GALNT18: variants seen among roughly 807,000 people sequenced by gnomAD.
GALNT18 encodes the protein GalNAc-transferase 18.
GALNT18 carries 44 observed loss-of-function variants against 69.5 expected under a neutral mutation model. The ratio of observed to expected loss-of-function variants is 0.63; its 90% CI spans 0.50 to 0.81. The LOEUF (loss-of-function observed/expected upper bound fraction) is 0.81, where lower values mean the gene tolerates loss of function less well. Among genes scored for constraint, GALNT18 ranks in the 40% least tolerant of loss-of-function variants. The pLI, the probability that GALNT18 is intolerant of heterozygous loss-of-function variation, is 0.00. For missense variants in GALNT18, 715 were observed against 810.0 expected, an observed-to-expected ratio of 0.88 and a Z score of 1.42; for synonymous variants, 364 against 318.2, an observed-to-expected ratio of 1.14 and a Z score of -1.53.
At chr11:11,528,640 G>A (rs931012577) in intron 1 of GALNT18, among the ~76,000 whole-genome samples, 10 of 152,168 alleles carry the variant, frequency 6.6e-5, no homozygotes, top group African/African-American at 1.7e-4. Context: ...TGGGCTATGC[G>A]GGGCAAGACT....
intron 9 of GALNT18, among the ~76,000 whole-genome samples, chr11:11,298,836 C>G (rs1190873677): frequency 1.3e-5 from 2 of 152,196 alleles, no homozygotes; most frequent in Non-Finnish European, 2.9e-5. Flanking sequence ...TTCTCTGAAG[C>G]AGGAGGCTTC....
chr11:11,413,069 T>C lies in GALNT18; in HGVS notation c.595+19552A>G, dbSNP rs1373649972. On this transcript the variant is annotated intron_variant, in intron 3 of 10. Coordinates refer to ENST00000227756, the MANE Select transcript of GALNT18 (RefSeq NM_198516.3). This position sits in a 1 kb window ranked among gnomAD's most constrained non-coding sequence, Gnocchi z 4.7. ...CCACAGTGGTGCCTGGCAGCTCTTA[T>C]TGGTGGTCTCCCTTCCTTGTCTTAT... is the stretch of plus-strand genomic sequence containing the variant. Among the ~76,000 whole-genome samples the C allele has an allele frequency of 6.6e-6, 1 of 152,222 alleles. No individual in the cohort carries two copies.
intron 6 of GALNT18, among the ~76,000 whole-genome samples, chr11:11,346,884 GCT>G (rs1850313233): frequency 6.6e-6 from 1 of 152,124 alleles, no homozygotes; most frequent in African/African-American, 2.4e-5. Flanking sequence ...TTAAATCCTG[GCT>G]CTGTCATATA....
In GALNT18 at chr11:11,480,114, C is replaced by T. The variant is rs976666514; in HGVS notation, c.236-31178G>A. Among the ~76,000 whole-genome samples, 2 of 152,088 alleles carry T rather than the reference C, an allele frequency of 1.3e-5. No homozygotes were observed. The highest frequency in any genetic ancestry group is 2.4e-5 in the African/African-American group (1 of 41,370). ...TACTGCTATTTGTCACCTTCCCTAC[C>T]TTGAGCTTCAACTTCCTTTTATTCA... On this transcript the variant is annotated intron_variant, in intron 1 of 10. Coordinates refer to ENST00000227756, the MANE Select transcript of GALNT18 (RefSeq NM_198516.3). The surrounding 1 kb of genome is among the most constrained non-coding windows in gnomAD (Gnocchi z 4.6).
intron 4 of GALNT18, among the ~76,000 whole-genome samples, chr11:11,378,066 T>C (rs1853816996): frequency 6.6e-6 from 1 of 152,236 alleles, no homozygotes; most frequent in South Asian, 2.1e-4. Context: ...AAATAGTAAG[T>C]GTCCCTCTCC....
At chr11:11,298,086 C>G (rs1485660513) in intron 9 of GALNT18, among the ~76,000 whole-genome samples, 1 of 152,230 alleles carries the variant, frequency 6.6e-6, no homozygotes, top group Non-Finnish European at 1.5e-5. Flanking sequence ...TAACGTCCCC[C>G]AGGGCCGGAG....
At position 11,468,800 on chromosome 11, in the gene GALNT18, G is replaced by A. The variant is rs538152850; in HGVS notation, c.236-19864C>T. On this transcript the variant is annotated intron_variant, in intron 1 of 10. Transcript: ENST00000227756. ...TTGTAAGCAGCTGTCACTGAAGGGG[G>A]TGTGGCAGATTCTACAGGTGCTGGT... 1.1e-4 allele frequency among the ~76,000 whole-genome samples: 17 copies of A among 152,294 alleles called. No individual in the cohort carries two copies. The South Asian group carries it at 3.5e-3, about 32-fold the overall frequency.
chr11:11,509,281 A>AT (rs987167899), intron 1 of GALNT18, among the ~76,000 whole-genome samples: 1 of 152,228 alleles, frequency 6.6e-6, no homozygotes, highest in African/African-American at 2.4e-5. Flanking sequence ...ATACCAAAAT[A>AT]TTTTTGAAAC....
chr11:11,350,738 T>C (rs1219565057), intron 6 of GALNT18, among the ~76,000 whole-genome samples: 3 of 152,192 alleles, frequency 2.0e-5, no homozygotes, highest in African/African-American at 7.2e-5. Context: ...GGTGCACTTC[T>C]ACTCCCCACC....
chr11:11,316,355 A>G (rs1410667425), intron 9 of GALNT18, among the ~76,000 whole-genome samples: 1 of 152,206 alleles, frequency 6.6e-6, no homozygotes, highest in Non-Finnish European at 1.5e-5. Context: ...CTTGGCACAC[A>G]AAGGAAAACT....
chr11:11,577,702 G>C (rs1590113488), intron 1 of GALNT18, among the ~76,000 whole-genome samples: 1 of 152,340 alleles, frequency 6.6e-6, no homozygotes, highest in East Asian at 1.9e-4. Context: ...CTAGGAAAGA[G>C]GGAAGCTCTC....
rs1224280064 is a variant in GALNT18, at chr11:11,432,288, G to A, written c.595+333C>T. 2.0e-5 allele frequency among the ~76,000 whole-genome samples: 3 copies of A among 152,206 alleles called. No individual in the cohort carries two copies. The highest frequency in any genetic ancestry group is 4.4e-5 in the Non-Finnish European group (3 of 68,050). On this transcript the variant is annotated intron_variant, in intron 3 of 10. Transcript: ENST00000227756. This position sits in a 1 kb window ranked among gnomAD's most constrained non-coding sequence, Gnocchi z 5.8. ...GTGGAACCCTACTAGGTGAAATGAT[G>A]CATCATGGAAAAGAGTCACTGGACA...
Position 11,493,176 on chromosome 11 carries a change from G to A in GALNT18, c.236-44240C>T, listed in dbSNP as rs143784304. On this transcript the variant is annotated intron_variant, in intron 1 of 10. Transcript: ENST00000227756. ...CTCGGAAGGCTGAGGCAGGAGAATC[G>A]CTTCAACCTGGGAGGCGGAGGTTGA... 9.3e-3 allele frequency among the ~76,000 whole-genome samples: 1,353 copies of A among 145,274 alleles called. 33 individuals carry two copies. In the East Asian group the frequency reaches 0.099, roughly 11 times the overall value.
Position 11,379,065 on chromosome 11 carries a change from C to A in GALNT18, c.779+16G>T. The A allele has an allele frequency of 6.4e-7, 1 of 1,572,618 alleles. No individual in the cohort carries two copies. The highest frequency in any genetic ancestry group is 8.6e-7 in the Non-Finnish European group (1 of 1,164,564). Reference sequence around the variant, plus strand: ...ATCCCACTGGGACTCCTCCTCCTCTCCCAAGGGGCACTTACCAGCCCACAT... The same window carrying A: ...ATCCCACTGGGACTCCTCCTCCTCTACCAAGGGGCACTTACCAGCCCACAT... On this transcript the variant is annotated intron_variant, in intron 4 of 10. Transcript: ENST00000227756.
At chr11:11,560,085 T>C (rs1317016562) in intron 1 of GALNT18, among the ~76,000 whole-genome samples, 1 of 19,844 alleles carries the variant, frequency 5.0e-5, no homozygotes, top group Non-Finnish European at 1.0e-4. Flanking sequence ...TGGGATATGA[T>C]GGGCGGGATG....
At chr11:11,403,586 T>A (rs1176476905) in intron 3 of GALNT18, among the ~76,000 whole-genome samples, 1 of 152,214 alleles carries the variant, frequency 6.6e-6, no homozygotes, top group Non-Finnish European at 1.5e-5. Flanking sequence ...CCTCTGGAAC[T>A]TCTCCTTCTG....
Position 11,404,677 on chromosome 11 carries a change from T to C in GALNT18, c.596-25413A>G, listed in dbSNP as rs1854547836. ...CCATATTCTCATTCAAATGGGACTCTCTCTGTCTCAACTCTCATTTCAACC... is the reference window on the plus strand; with the variant it reads ...CCATATTCTCATTCAAATGGGACTCCCTCTGTCTCAACTCTCATTTCAACC... On this transcript the variant is annotated intron_variant, in intron 3 of 10. Coordinates refer to ENST00000227756, the MANE Select transcript of GALNT18 (RefSeq NM_198516.3). This position sits in a 1 kb window ranked among gnomAD's most constrained non-coding sequence, Gnocchi z 4.5. Among the ~76,000 whole-genome samples, 1 of 152,136 alleles carries C rather than the reference T, an allele frequency of 6.6e-6. No homozygotes were observed. Among genetic ancestry groups the C allele is most frequent in the African/African-American group, 2.4e-5 (1 of 41,414 alleles).
At chr11:11,490,581 A>G (rs868557684) in intron 1 of GALNT18, among the ~76,000 whole-genome samples, 3 of 152,216 alleles carry the variant, frequency 2.0e-5, no homozygotes, top group African/African-American at 4.8e-5. Context: ...TCAGTGATAG[A>G]GCACTCAGCC....
rs79446301 is a variant in GALNT18, at chr11:11,463,524, T to C, written c.236-14588A>G. On this transcript the variant is annotated intron_variant, in intron 1 of 10. Transcript: ENST00000227756. This position sits in a 1 kb window ranked among gnomAD's most constrained non-coding sequence, Gnocchi z 4.2. ...CACGTCCCCTGGGAGCCCTAGCTGT[T>C]GTGGCCCCAGGGCTGAGCGTGCCAT... 0.043 allele frequency among the ~76,000 whole-genome samples: 6,474 copies of C among 152,262 alleles called. 332 individuals carry two copies. Among genetic ancestry groups the C allele is most frequent in the East Asian group, 0.21 (1,093 of 5,162 alleles).
Sources: allele counts gnomAD v4.1 joint callset (sites outside exome capture counted in the v4.1 genomes callset), GRCh38; gene constraint gnomAD v4.1.1; non-coding constraint Gnocchi (gnomAD v3.1); transcripts MANE v1.5; gene names NCBI Gene and HGNC (gene_info 2026-07-23, HGNC 2026-07-21).